Variants in ADGRE1 observed in about 807,000 individuals in gnomAD.
The protein encoded by ADGRE1 is adhesion G protein-coupled receptor E1, also known as EGF-like module receptor 1.
A neutral mutation model predicts 102.7 loss-of-function variants in ADGRE1; 82 were observed. The ratio of observed to expected loss-of-function variants is 0.80; its 90% CI spans 0.67 to 0.96. The LOEUF is 0.96. ADGRE1 is among the 40% of genes least tolerant of loss of function. The pLI, the probability that ADGRE1 is intolerant of heterozygous loss-of-function variation, is 0.00. For synonymous variants in ADGRE1, 398 were observed against 399.6 expected (o/e 1.00, Z 0.05); for missense variants, 1,032 against 1,085.3 (o/e 0.95, Z 0.69).
chr19:6,935,189 T>C lies in ADGRE1; in HGVS notation c.2381+111T>C, dbSNP rs1975351510. 2.2e-5 allele frequency: 15 copies of C among 688,818 alleles called. 1 individual carries two copies. The South Asian group carries it at 3.3e-4, about 15-fold the overall frequency. The allele number at this position is 688,818 out of a possible 1,614,324, so 42.7% of individuals were successfully genotyped here. On this transcript the variant is annotated intron_variant, in intron 18 of 20. Coordinates refer to ENST00000312053, the MANE Select transcript of ADGRE1 (RefSeq NM_001974.5). ...GGTCCTATGCCTGAGACAGAGGTGA[T>C]GAGGTCTGTTTAGCATATCACACCA...
At chr19:6,895,405 C>T (rs1324763633) in intron 2 of ADGRE1, 1 of 152,236 alleles carries the variant, frequency 6.6e-6, no homozygotes, top group Non-Finnish European at 1.5e-5. Flanking sequence ...GGAACAGCCA[C>T]CATTCTTGGC....
intron 1 of ADGRE1, 99 bp from the exon 2 acceptor site, chr19:6,890,382 G>T: frequency 8.4e-7 from 1 of 1,185,460 alleles, no homozygotes. Flanking sequence ...ATTTCTGTGG[G>T]GCCAAGCCAG....
chr19:6,901,889 G>T lies in ADGRE1; in HGVS notation c.529G>T (p.Ala177Ser). The change falls in exon 6 of 21, where the codon GCA becomes TCA. Residue 177 changes from alanine (A) to serine (S), a missense_variant. By Grantham distance (99) the Ala-to-Ser change is moderately conservative. Coordinates refer to ENST00000312053, the MANE Select transcript of ADGRE1 (RefSeq NM_001974.5). ...NSTCEDVDEC[A>S]DPRACPEHAT... ...CCACTCTTCAGACGTGGATGAATGT[G>T]CAGATCCAAGAGCTTGCCCAGAGCA... 1.2e-6 allele frequency: 2 copies of T among 1,614,162 alleles called. No homozygotes were observed. Among genetic ancestry groups the T allele is most frequent in the South Asian group, 1.1e-5 (1 of 91,084 alleles).
chr19:6,927,286 TC>T (rs1974962069), intron 16 of ADGRE1, among the ~76,000 whole-genome samples: 5 of 131,412 alleles, frequency 3.8e-5, no homozygotes, highest in Admixed American at 1.5e-4. Flanking sequence ...TTCCTTCCCT[TC>T]CCTCCCTCCC....
intron 5 of ADGRE1, chr19:6,898,729 GGGTCATCT>G (rs1973662231): frequency 5.4e-6 from 4 of 735,778 alleles, no homozygotes; most frequent in Non-Finnish European, 9.0e-6. Context: ...AATTAATTAA[GGGTCATCT>G]CACTGGAAGA....
intron 8 of ADGRE1, among the ~76,000 whole-genome samples, chr19:6,905,224 TGTA>T (rs757401650): frequency 7.9e-5 from 12 of 152,072 alleles, no homozygotes; most frequent in Admixed American, 2.0e-4. Context: ...AGCATGGGCT[TGTA>T]GTCCTAGCTA....
Position 6,937,293 on chromosome 19 carries a change from G to A in ADGRE1, c.2432G>A (p.Trp811Ter). ...FAQLFILGCS[W>*]VLGIFQIGPV... The stretch of plus-strand genomic sequence containing the variant: ...CAGCTCTTCATCCTGGGCTGCTCCT[G>A]GGTGCTGGGCATTTTTCAGATTGGA... Residue 811 changes from tryptophan to a stop codon, truncating the protein, a stop_gained, in exon 19 of 21, where the codon TGG becomes TAG. Coordinates refer to ENST00000312053, the MANE Select transcript of ADGRE1 (RefSeq NM_001974.5). LOFTEE classifies it high-confidence loss of function. The A allele has an allele frequency of 6.2e-7, 1 of 1,614,092 alleles. No homozygotes were observed. The highest frequency in any genetic ancestry group is 8.5e-7 in the Non-Finnish European group (1 of 1,180,014).
At chr19:6,931,767 C>T (rs1260698570) in intron 17 of ADGRE1, among the ~76,000 whole-genome samples, 1 of 150,396 alleles carries the variant, frequency 6.6e-6, no homozygotes, top group Non-Finnish European at 1.5e-5. Flanking sequence ...CACTGCACTC[C>T]AGCCTGGGTG....
intron 10 of ADGRE1, among the ~76,000 whole-genome samples, chr19:6,910,657 C>T (rs7247509): frequency 0.15 from 22,585 of 146,234 alleles, 1,881 homozygotes; most frequent in Middle Eastern, 0.21. Flanking sequence ...CTGCAAGCTC[C>T]GCCTCCCGGG....
In ADGRE1 at chr19:6,897,465, G is replaced by A; in HGVS notation, c.432G>A (p.Glu144=). Residue 144 remains glutamate (E), a synonymous_variant, in exon 5 of 21, where the codon GAG becomes GAA. Transcript: ENST00000312053. ...GCCTCACCAGCAGCGTCTGCCCTGA[G>A]CATTCTGACTGTGTCAACTCCATGG... ...NECLTSSVCP[E]HSDCVNSMGS... 1.2e-6 allele frequency: 2 copies of A among 1,601,202 alleles called. No homozygotes were observed. Among genetic ancestry groups the A allele is most frequent in the South Asian group, 1.1e-5 (1 of 88,864 alleles).
At chr19:6,906,594 G>C in intron 9 of ADGRE1, 73 bp downstream of exon 9, 1 of 1,421,372 alleles carries the variant, frequency 7.0e-7, no homozygotes, top group Non-Finnish European at 9.8e-7. Context: ...TGTTTTTGCA[G>C]TTCTAACAAA....
chr19:6,892,623 C>T (rs1973421715), intron 2 of ADGRE1, among the ~76,000 whole-genome samples: 1 of 152,180 alleles, frequency 6.6e-6, no homozygotes, highest in Non-Finnish European at 1.5e-5. Flanking sequence ...TGTCCCTACT[C>T]TGCTCGAAAT....
At position 6,919,591 on chromosome 19, in the gene ADGRE1, G is replaced by A. The variant is rs537322666; in HGVS notation, c.1464G>A (p.Ser488=). ...TTGTCTCCTTTGTGGGCATGGAATC[G>A]GTTTTAAATGAGCGCTTCTTCAAAG... ...VAFVSFVGME[S]VLNERFFKDH... The change falls in exon 13 of 21, where the codon TCG becomes TCA. Residue 488 remains serine, a synonymous_variant. Coordinates refer to ENST00000312053, the MANE Select transcript of ADGRE1 (RefSeq NM_001974.5). 3.1e-6 allele frequency: 5 copies of A among 1,613,058 alleles called. No individual in the cohort carries two copies. Among genetic ancestry groups the A allele is most frequent in the Admixed American group, 3.3e-5 (2 of 59,820 alleles).
chr19:6,927,790 T>C (rs1162439698), intron 16 of ADGRE1, among the ~76,000 whole-genome samples: 2 of 152,086 alleles, frequency 1.3e-5, no homozygotes, highest in Non-Finnish European at 2.9e-5. Context: ...GCCTCCCAAG[T>C]AGCTGGGATT....
At chr19:6,917,370 A>G (rs958030701) in intron 12 of ADGRE1, among the ~76,000 whole-genome samples, 2 of 152,158 alleles carry the variant, frequency 1.3e-5, no homozygotes, top group African/African-American at 4.8e-5. Context: ...TCTGTGTTGA[A>G]AAAAAGCTTG....
chr19:6,909,837 C>T lies in ADGRE1; in HGVS notation c.1122+1065C>T, dbSNP rs187179828. On this transcript the variant is annotated intron_variant, in intron 10 of 20. Transcript: ENST00000312053. The stretch of plus-strand genomic sequence containing the variant: ...GCAACCTCCACCTCCCAGGTTCAAG[C>T]GATTCTCCTGCCTCAGCCTCCCGAG... 2.9e-4 allele frequency among the ~76,000 whole-genome samples: 44 copies of T among 152,220 alleles called. No individual in the cohort carries two copies. The East Asian group carries it at 6.8e-3, about 23-fold the overall frequency.
intron 17 of ADGRE1, 173 bp downstream of exon 17, chr19:6,928,384 G>T: frequency 6.9e-7 from 1 of 1,449,126 alleles, no homozygotes; most frequent in South Asian, 1.4e-5. Context: ...CCAGCACTTT[G>T]GGAGGCTGAG....
At chr19:6,891,377 C>T (rs1599708139) in intron 2 of ADGRE1, among the ~76,000 whole-genome samples, 1 of 152,118 alleles carries the variant, frequency 6.6e-6, no homozygotes, top group African/African-American at 2.4e-5. Context: ...ACAACTGTTC[C>T]CAGTGTCTCT....
chr19:6,938,118 C>G lies in ADGRE1; in HGVS notation c.2655+470C>G, dbSNP rs545523908. 4.7e-3 allele frequency among the ~76,000 whole-genome samples: 722 copies of G among 152,118 alleles called. 8 individuals are homozygous for G. Among genetic ancestry groups the G allele is most frequent in the African/African-American group, 0.015 (633 of 41,498 alleles). On this transcript the variant is annotated intron_variant, in intron 20 of 20. Transcript: ENST00000312053. ...TTGGGAGGCTAAGGTGGGCAGATTA[C>G]CTGAGGCCAGGAGTTCGAGACCAAC...
Sources: gnomAD v4.1 joint callset for allele counts (sites outside exome capture counted in the v4.1 genomes callset) on GRCh38, gnomAD v4.1.1 for gene constraint, MANE v1.5 for transcripts, NCBI Gene and HGNC (gene_info 2026-07-23, HGNC 2026-07-21) for gene names.